WRAP73: variants seen among roughly 807,000 people sequenced by gnomAD.
WRAP73 encodes WD repeat-containing protein WRAP73.
Under a neutral mutation model 59.6 loss-of-function variants are expected in WRAP73, and 55 were observed. That is an observed-to-expected ratio of 0.92 (90% confidence interval 0.74 to 1.15). The LOEUF is 1.15. Among genes scored for constraint, WRAP73 ranks in the 50% most tolerant of loss-of-function variants. The pLI is 0.00. For synonymous variants in WRAP73, 265 were observed against 258.2 expected (o/e 1.03, Z -0.25); for missense variants, 592 against 608.1 (o/e 0.97, Z 0.28).
intron 2 of WRAP73, among the ~76,000 whole-genome samples, chr1:3,647,082 T>C (rs1355474945): frequency 1.3e-5 from 2 of 152,196 alleles, no homozygotes; most frequent in East Asian, 3.9e-4. Flanking sequence ...TTATTCACAT[T>C]GTCATTCCTA....
At chr1:3,644,516 T>C (rs1239400678) in intron 3 of WRAP73, among the ~76,000 whole-genome samples, 1 of 152,242 alleles carries the variant, frequency 6.6e-6, no homozygotes, top group Non-Finnish European at 1.5e-5. Context: ...CCAGCACGTC[T>C]GGAATTCCGG....
intron 4 of WRAP73, 66 bp from the exon 5 acceptor site, chr1:3,637,164 G>T: frequency 7.4e-7 from 1 of 1,357,572 alleles, no homozygotes; most frequent in Non-Finnish European, 1.0e-6. Flanking sequence ...AACCACAGTA[G>T]TAATTCACAA....
Position 3,640,488 on chromosome 1 carries a change from CG to C in WRAP73, c.340-1667del, listed in dbSNP as rs1644630344. Among the ~76,000 whole-genome samples the C allele has an allele frequency of 1.5e-4, 4 of 26,890 alleles. 1 individual carries two copies. Among genetic ancestry groups the C allele is most frequent in the Admixed American group, 8.8e-4 (3 of 3,398 alleles). 17.6% of individuals were successfully genotyped at this position (26,890 alleles called of 152,430 possible). On this transcript the variant is annotated intron_variant, in intron 3 of 11. Transcript: ENST00000270708. The stretch of plus-strand genomic sequence containing the variant: ...CATCAGCAGGGCAGGGTGGAACACC[CG>C]AGGCTCTGAGCATCAGCAGGGCGGG...
At chr1:3,635,740 G>C (rs973092540) in intron 6 of WRAP73, 2 of 557,206 alleles carry the variant, frequency 3.6e-6, no homozygotes, top group African/African-American at 3.8e-5. Context: ...AGGATCACTT[G>C]AGTCCAGGAG....
At position 3,647,401 on chromosome 1, in the gene WRAP73, C is replaced by T; in HGVS notation, c.222+7G>A. 1 of 1,611,340 alleles carries T rather than the reference C, an allele frequency of 6.2e-7. No individual in the cohort carries two copies. Among genetic ancestry groups the T allele is most frequent in the South Asian group, 1.1e-5 (1 of 90,766 alleles). On this transcript the variant is annotated splice_region_variant and intron_variant, in intron 2 of 11. Coordinates refer to ENST00000270708, the MANE Select transcript of WRAP73 (RefSeq NM_017818.4). ...GTCCAGATTCTAAGCGACACGGCAG[C>T]ACACACCTGCACCAGCCCTCGCTTG...
In WRAP73 at chr1:3,630,981, G is replaced by A. The variant is rs148661314; in HGVS notation, c.1377C>T (p.His459=). 2 of 1,612,636 alleles carry A rather than the reference G, an allele frequency of 1.2e-6. No homozygotes were observed. The highest frequency in any genetic ancestry group is 1.3e-5 in the African/African-American group (1 of 74,934). Residue 459 remains histidine, a synonymous_variant, in exon 12 of 12, where the codon CAC becomes CAT. Coordinates refer to ENST00000270708, the MANE Select transcript of WRAP73 (RefSeq NM_017818.4). ...VGTACRQLGG[H]T is the part of the protein sequence containing the mutation. Reference sequence around the variant, plus strand: ...ACACGTTAGTGCACCGCTGCTACGTGTGGCCGCCCAGCTGTCTGCAGGCTG... The same window carrying A: ...ACACGTTAGTGCACCGCTGCTACGTATGGCCGCCCAGCTGTCTGCAGGCTG...
intron 1 of WRAP73, among the ~76,000 whole-genome samples, chr1:3,648,777 T>C (rs1644713581): frequency 6.6e-6 from 1 of 152,150 alleles, no homozygotes; most frequent in Non-Finnish European, 1.5e-5. Flanking sequence ...TTTTCATAAA[T>C]GGTAAAAACA....
intron 6 of WRAP73, 165 bp downstream of exon 6, chr1:3,635,779 C>A (rs1644583833): frequency 3.2e-6 from 2 of 631,156 alleles, no homozygotes; most frequent in South Asian, 1.9e-5. Context: ...CGTGATCACA[C>A]CACTGCACTC....
chr1:3,645,344 G>C (rs1276420939), intron 3 of WRAP73, among the ~76,000 whole-genome samples: 2 of 100,760 alleles, frequency 2.0e-5, no homozygotes, highest in Non-Finnish European at 4.8e-5. Flanking sequence ...TGGTGTGAGC[G>C]GCGCAGCGGG....
At chr1:3,635,542 C>T (rs1016344515) in intron 6 of WRAP73, 12 of 569,110 alleles carry the variant, frequency 2.1e-5, no homozygotes, top group Admixed American at 6.4e-5. Flanking sequence ...TCAACTCGGC[C>T]GGGCACTGTG....
intron 8 of WRAP73, chr1:3,633,725 G>A: frequency 1.9e-6 from 1 of 518,674 alleles, no homozygotes; most frequent in Non-Finnish European, 3.4e-6. Flanking sequence ...CACCCTTTGA[G>A]ACACAGGCAG....
intron 3 of WRAP73, among the ~76,000 whole-genome samples, chr1:3,642,890 G>A (rs552200809): frequency 7.2e-5 from 11 of 152,164 alleles, no homozygotes; most frequent in Non-Finnish European, 1.2e-4. Context: ...CAACCTCACC[G>A]AGAATTAGGG....
rs1644696783 is a variant in WRAP73, at chr1:3,646,844, G to A, written c.223-62C>T. 2 of 1,458,850 alleles carry A rather than the reference G, an allele frequency of 1.4e-6. No individual in the cohort carries two copies. Among genetic ancestry groups the A allele is most frequent in the African/African-American group, 1.4e-5 (1 of 70,698 alleles). The allele number at this position is 1,458,850 out of a possible 1,614,324, so 90.4% of individuals were successfully genotyped here. On this transcript the variant is annotated intron_variant, in intron 2 of 11. Coordinates refer to ENST00000270708, the MANE Select transcript of WRAP73 (RefSeq NM_017818.4). The surrounding 1 kb of genome is among the most constrained non-coding windows in gnomAD (Gnocchi z 5.1). Reference sequence around the variant, plus strand: ...CTCATCAGCACCGAGAGACAGCGAGGACAGCTCGCTTAAACGCAGCGGAGA... The same window carrying A: ...CTCATCAGCACCGAGAGACAGCGAGAACAGCTCGCTTAAACGCAGCGGAGA...
chr1:3,635,930 G>A lies in WRAP73; in HGVS notation c.603+14C>T. The A allele has an allele frequency of 6.2e-7, 1 of 1,610,524 alleles. No homozygotes were observed. The highest frequency in any genetic ancestry group is 8.5e-7 in the Non-Finnish European group (1 of 1,177,194). ...GCTCTCGAAAGCAAACATGTCACCT[G>A]GTCATCTTCATACCTCCAAGCAGGT... On this transcript the variant is annotated intron_variant, in intron 6 of 11. Coordinates refer to ENST00000270708, the MANE Select transcript of WRAP73 (RefSeq NM_017818.4).
intron 3 of WRAP73, among the ~76,000 whole-genome samples, chr1:3,645,254 G>A (rs1243501164): frequency 6.6e-6 from 1 of 152,242 alleles, no homozygotes; most frequent in Non-Finnish European, 1.5e-5. Context: ...AGCATCTGCA[G>A]CCACACGCTG....
intron 11 of WRAP73, 142 bp from the exon 12 acceptor site, chr1:3,631,259 C>G (rs767237221): frequency 1.6e-5 from 23 of 1,425,108 alleles, no homozygotes; most frequent in Non-Finnish European, 2.1e-5. Flanking sequence ...AGAGCTGCCT[C>G]AAGTCAGGGA....
intron 4 of WRAP73, among the ~76,000 whole-genome samples, chr1:3,638,443 C>T (rs1448716912): frequency 2.0e-5 from 3 of 152,260 alleles, no homozygotes; most frequent in Middle Eastern, 3.2e-3. Context: ...GGGGTCTGAA[C>T]GCCCAGCTCT....
chr1:3,647,143 GACTTCCTGAAACACACC>G (rs1307669345), intron 2 of WRAP73: 1 of 461,632 alleles, frequency 2.2e-6, no homozygotes, highest in Non-Finnish European at 3.8e-6. Flanking sequence ...GACTTCTTAG[GACTTCCTGAAACACACC>G]ACATCCGCGT....
chr1:3,636,048 G>C lies in WRAP73; in HGVS notation c.517-18C>G. The C allele has an allele frequency of 1.3e-6, 2 of 1,593,976 alleles. No homozygotes were observed. The highest frequency in any genetic ancestry group is 1.7e-4 in the Middle Eastern group (1 of 6,026). ...TCAAAATGCTTCCAAAGGAAGGGGG[G>C]GAAACATTAAATTTGGAAAATATTT... On this transcript the variant is annotated intron_variant, in intron 5 of 11. Transcript: ENST00000270708.
Sources: allele counts gnomAD v4.1 joint callset (sites outside exome capture counted in the v4.1 genomes callset), GRCh38; gene constraint gnomAD v4.1.1; non-coding constraint Gnocchi (gnomAD v3.1); transcripts MANE v1.5; gene names NCBI Gene and HGNC (gene_info 2026-07-23, HGNC 2026-07-21).